Variants in DACH2 observed in about 807,000 individuals in gnomAD.
The protein encoded by DACH2 is dachshund family transcription factor 2, also known as dachshund homolog 2.
In DACH2, 17 loss-of-function variants were observed where a neutral mutation model predicts 35.8. The observed-to-expected ratio is 0.48, with a 90% CI of 0.33 to 0.71. The LOEUF (loss-of-function observed/expected upper bound fraction) is 0.71, where lower values mean the gene tolerates loss of function less well. Among genes scored for constraint, DACH2 ranks in the 30% least tolerant of loss-of-function variants. The pLI is 0.02. For synonymous variants in DACH2, 195 were observed against 177.3 expected (o/e 1.10, Z -0.79); for missense variants, 469 against 472.7 (o/e 0.99, Z 0.07).
intron 7 of DACH2, among the ~76,000 whole-genome samples, chrX:86,785,302 G>T (rs1005219815): frequency 1.5e-4 from 17 of 111,074 alleles, no homozygotes; most frequent in African/African-American, 5.2e-4. Flanking sequence ...GTATAAATTT[G>T]GGAATAATAA....
intron 3 of DACH2, among the ~76,000 whole-genome samples, chrX:86,528,349 A>G (rs2038663937): frequency 8.9e-6 from 1 of 111,796 alleles, no homozygotes; most frequent in Non-Finnish European, 1.9e-5. Context: ...GGAAGGAAAA[A>G]GCAACTTCCT....
intron 4 of DACH2, among the ~76,000 whole-genome samples, chrX:86,662,866 A>C (rs763623230): frequency 8.9e-6 from 1 of 111,805 alleles, no homozygotes; most frequent in South Asian, 3.7e-4. Context: ...AGGGATTAAC[A>C]CACTGAATAT....
At chrX:86,749,446 T>C (rs2147269704) in intron 7 of DACH2, among the ~76,000 whole-genome samples, 1 of 111,530 alleles carries the variant, frequency 9.0e-6, no homozygotes, top group South Asian at 3.8e-4. Flanking sequence ...AATATTGTTG[T>C]ATCTCAGGGA....
intron 1 of DACH2, among the ~76,000 whole-genome samples, chrX:86,281,399 C>A (rs907126086): frequency 1.8e-5 from 2 of 111,703 alleles, no homozygotes; most frequent in Admixed American, 1.9e-4. Context: ...GTGACAAAAA[C>A]CACATGATTA....
chrX:86,627,735 AC>A (rs1293467059), intron 3 of DACH2, among the ~76,000 whole-genome samples: 2 of 112,339 alleles, frequency 1.8e-5, no homozygotes, highest in African/African-American at 6.5e-5. Flanking sequence ...ATTGAGAATG[AC>A]AAGTTCTGTC....
chrX:86,513,199 T>G (rs5922249), intron 2 of DACH2, among the ~76,000 whole-genome samples: 34,708 of 110,755 alleles, frequency 0.31, 4,534 homozygotes, highest in Middle Eastern at 0.47. Flanking sequence ...CCAAAAGTCA[T>G]TTTGGGGTAT....
At chrX:86,346,468 C>G (rs2035499204) in intron 1 of DACH2, among the ~76,000 whole-genome samples, 1 of 110,286 alleles carries the variant, frequency 9.1e-6, no homozygotes, top group Non-Finnish European at 1.9e-5. Flanking sequence ...GTATCATTTT[C>G]TTCTGAAGAT....
intron 2 of DACH2, among the ~76,000 whole-genome samples, chrX:86,382,930 T>TA (rs2036068196): frequency 9.0e-6 from 1 of 110,966 alleles, no homozygotes; most frequent in South Asian, 3.8e-4. Flanking sequence ...GGCCCATATT[T>TA]AAGATCTTTC....
At chrX:86,565,479 C>CA (rs2039281991) in intron 3 of DACH2, among the ~76,000 whole-genome samples, 1 of 111,313 alleles carries the variant, frequency 9.0e-6, no homozygotes, top group African/African-American at 3.3e-5. Flanking sequence ...CAGCGGGGCC[C>CA]AGCAGTCTGT....
At chrX:86,205,753 G>T (rs1385139489) in intron 1 of DACH2, among the ~76,000 whole-genome samples, 1 of 106,382 alleles carries the variant, frequency 9.4e-6, no homozygotes. Context: ...TTTTAGTAGA[G>T]ATGAGGTTTT....
chrX:86,568,988 C>T (rs981831697), intron 3 of DACH2, among the ~76,000 whole-genome samples: 16 of 111,441 alleles, frequency 1.4e-4, no homozygotes, highest in Non-Finnish European at 1.9e-4. Context: ...AGAAGCTCCT[C>T]TGTATCTGAG....
chrX:86,615,500 C>T (rs950337815), intron 3 of DACH2, among the ~76,000 whole-genome samples: 5 of 111,222 alleles, frequency 4.5e-5, no homozygotes, highest in African/African-American at 9.8e-5. Context: ...ACTAATAATA[C>T]TCTGTCATAT....
intron 1 of DACH2, among the ~76,000 whole-genome samples, chrX:86,276,965 G>T (rs775443379): frequency 8.9e-6 from 1 of 111,744 alleles, no homozygotes; most frequent in Admixed American, 9.6e-5. Context: ...TGGGTAATGA[G>T]ATTCCTTCAG....
At chrX:86,344,922 T>C (rs1344076844) in intron 1 of DACH2, among the ~76,000 whole-genome samples, 1 of 111,786 alleles carries the variant, frequency 8.9e-6, no homozygotes, top group Non-Finnish European at 1.9e-5. Flanking sequence ...TGTAAATACT[T>C]GTGTTTTCTT....
intron 2 of DACH2, among the ~76,000 whole-genome samples, chrX:86,377,676 T>G (rs1428654961): frequency 9.1e-6 from 1 of 110,322 alleles, no homozygotes; most frequent in Non-Finnish European, 1.9e-5. Context: ...GGTGATATTT[T>G]TTTGCCCCTT....
At chrX:86,739,330 C>G (rs968089048) in intron 6 of DACH2, among the ~76,000 whole-genome samples, 6 of 110,042 alleles carry the variant, frequency 5.5e-5, no homozygotes, top group Non-Finnish European at 1.1e-4. Context: ...TATTCCAGGG[C>G]TCTCAAGTCT....
At chrX:86,704,346 G>A (rs1446592956) in intron 5 of DACH2, among the ~76,000 whole-genome samples, 1 of 111,162 alleles carries the variant, frequency 9.0e-6, no homozygotes, top group Non-Finnish European at 1.9e-5. Context: ...AAAAATTCTA[G>A]AAGAAAACAT....
chrX:86,477,455 C>A (rs938446806), intron 2 of DACH2, among the ~76,000 whole-genome samples: 5 of 104,917 alleles, frequency 4.8e-5, no homozygotes, highest in East Asian at 5.9e-4. Flanking sequence ...GTCTTGAAAT[C>A]GATTTAGTCT....
chrX:86,294,016 T>C (rs2965099), intron 1 of DACH2, among the ~76,000 whole-genome samples: 1 of 111,927 alleles, frequency 8.9e-6, no homozygotes, highest in Non-Finnish European at 1.9e-5. Flanking sequence ...TCCTGCAGAG[T>C]GTTTTCCAAC....
Sources: gnomAD v4.1 joint callset for allele counts (sites outside exome capture counted in the v4.1 genomes callset) on GRCh38, gnomAD v4.1.1 for gene constraint, MANE v1.5 for transcripts, NCBI Gene and HGNC (gene_info 2026-07-23, HGNC 2026-07-21) for gene names.